CADM2: variants seen among roughly 807,000 people sequenced by gnomAD.
The protein encoded by CADM2 is cell adhesion molecule 2.
A neutral mutation model predicts 49.8 loss-of-function variants in CADM2; 12 were observed. The ratio of observed to expected loss-of-function variants is 0.24; its 90% CI spans 0.15 to 0.39. The LOEUF is 0.39. Ranked by LOEUF, CADM2 falls within the 10% of genes least tolerant of loss-of-function variation. CADM2 has a pLI of 1.00. For synonymous variants in CADM2, 214 were observed against 175.4 expected (o/e 1.22, Z -1.74); for missense variants, 378 against 492.3 (o/e 0.77, Z 2.20).
intron 2 of CADM2, among the ~76,000 whole-genome samples, chr3:85,732,091 T>C (rs1305868703): frequency 5.6e-5 from 2 of 35,988 alleles, no homozygotes; most frequent in Non-Finnish European, 9.9e-5. Context: ...CTACTAAGAA[T>C]ACCAAAAAAA....
At chr3:85,141,847 A>T (rs1346599147) in intron 1 of CADM2, among the ~76,000 whole-genome samples, 1 of 152,170 alleles carries the variant, frequency 6.6e-6, no homozygotes, top group Non-Finnish European at 1.5e-5. Flanking sequence ...AGATGATAAG[A>T]TCACTTGCTG....
chr3:85,503,534 T>G (rs918399675), intron 1 of CADM2, among the ~76,000 whole-genome samples: 4 of 152,238 alleles, frequency 2.6e-5, no homozygotes, highest in African/African-American at 9.6e-5. Flanking sequence ...ATTCTTTTAT[T>G]ATTTCTTTGA....
chr3:85,674,310 A>G (rs2065829955), intron 1 of CADM2, among the ~76,000 whole-genome samples: 2 of 152,138 alleles, frequency 1.3e-5, no homozygotes, highest in South Asian at 2.1e-4. Flanking sequence ...TGATGGTCCT[A>G]TATTGTGTTT....
intron 1 of CADM2, among the ~76,000 whole-genome samples, chr3:85,651,748 A>T (rs1577018845): frequency 6.6e-6 from 1 of 151,712 alleles, no homozygotes; most frequent in Admixed American, 6.6e-5. Context: ...CTCTGACTAC[A>T]CCCTTGGTTT....
intron 1 of CADM2, among the ~76,000 whole-genome samples, chr3:85,128,726 G>A (rs551315409): frequency 3.9e-5 from 6 of 152,270 alleles, no homozygotes; most frequent in Admixed American, 2.0e-4. Context: ...CTACCTATGG[G>A]ACAGGTTAAA....
At chr3:85,130,893 A>C (rs2039205010) in intron 1 of CADM2, among the ~76,000 whole-genome samples, 1 of 152,224 alleles carries the variant, frequency 6.6e-6, no homozygotes, top group Non-Finnish European at 1.5e-5. Context: ...ATATGAAAAC[A>C]AATTTTATGC....
chr3:85,885,339 C>T (rs920057561), intron 4 of CADM2, among the ~76,000 whole-genome samples: 1 of 146,390 alleles, frequency 6.8e-6, no homozygotes, highest in Non-Finnish European at 1.5e-5. Flanking sequence ...GAGTTTGAGA[C>T]CAGCCCGGCC....
At chr3:85,155,129 A>G (rs1216096655) in intron 1 of CADM2, among the ~76,000 whole-genome samples, 1 of 149,022 alleles carries the variant, frequency 6.7e-6, no homozygotes, top group African/African-American at 2.6e-5. Flanking sequence ...GCTCCAATTA[A>G]AAGACACAGA....
chr3:85,621,892 G>A (rs2063987858), intron 1 of CADM2, among the ~76,000 whole-genome samples: 2 of 152,118 alleles, frequency 1.3e-5, no homozygotes, highest in African/African-American at 4.8e-5. Flanking sequence ...TGAAAAGTGA[G>A]TAAACACTAC....
intron 1 of CADM2, among the ~76,000 whole-genome samples, chr3:85,682,723 C>A (rs536142641): frequency 2.0e-5 from 3 of 152,122 alleles, no homozygotes; most frequent in Admixed American, 1.3e-4. Context: ...CCAAAGCTTT[C>A]TTTTCAAGAA....
chr3:85,366,298 A>G (rs954719357), intron 1 of CADM2, among the ~76,000 whole-genome samples: 2 of 152,216 alleles, frequency 1.3e-5, no homozygotes, highest in Non-Finnish European at 2.9e-5. Flanking sequence ...AAGTCTGACT[A>G]TGCAGAACAG....
At chr3:85,072,847 G>T (rs1009427131) in intron 1 of CADM2, among the ~76,000 whole-genome samples, 7 of 151,572 alleles carry the variant, frequency 4.6e-5, no homozygotes, top group African/African-American at 1.7e-4. Context: ...AAATGCAGAG[G>T]TTTTTTTTAT....
intron 1 of CADM2, among the ~76,000 whole-genome samples, chr3:85,424,382 G>T (rs1007482790): frequency 6.6e-6 from 1 of 151,534 alleles, no homozygotes; most frequent in African/African-American, 2.4e-5. Context: ...TAATTACAAA[G>T]AAATATAAAC....
At chr3:85,238,101 G>C (rs542550421) in intron 1 of CADM2, among the ~76,000 whole-genome samples, 1 of 151,708 alleles carries the variant, frequency 6.6e-6, no homozygotes, top group East Asian at 1.9e-4. Flanking sequence ...CATCTGGCTT[G>C]GTACATCATG....
At chr3:85,688,866 C>T (rs1272321227) in intron 1 of CADM2, among the ~76,000 whole-genome samples, 1 of 152,144 alleles carries the variant, frequency 6.6e-6, no homozygotes, top group Non-Finnish European at 1.5e-5. Context: ...CTGCACCTGG[C>T]CAAATTTCAC....
chr3:85,536,496 A>G (rs66781790), intron 1 of CADM2, among the ~76,000 whole-genome samples: 77,541 of 151,472 alleles, frequency 0.51, 22,912 homozygotes, highest in East Asian at 0.85. Context: ...ATAAAAAATG[A>G]CATTTATTAT....
chr3:85,801,799 T>G (rs1577342933), intron 2 of CADM2, among the ~76,000 whole-genome samples: 1 of 152,210 alleles, frequency 6.6e-6, no homozygotes, highest in Non-Finnish European at 1.5e-5. Context: ...TAAATCTTTA[T>G]GTATGCCTAG....
chr3:85,337,026 TATAAATATATATATATAA>T (rs1333929588), intron 1 of CADM2, among the ~76,000 whole-genome samples: 9 of 136,566 alleles, frequency 6.6e-5, no homozygotes, highest in African/African-American at 2.5e-4. Flanking sequence ...TATAAATAAA[TATAAATATATATATATAA>T]ATATATATAT....
intron 1 of CADM2, among the ~76,000 whole-genome samples, chr3:85,007,009 A>G (rs2033765373): frequency 6.6e-6 from 1 of 152,124 alleles, no homozygotes; most frequent in African/African-American, 2.4e-5. Flanking sequence ...GCTTAATCAA[A>G]TTAATTCTTA....
Sources: gnomAD v4.1 joint callset for allele counts (sites outside exome capture counted in the v4.1 genomes callset) on GRCh38, gnomAD v4.1.1 for gene constraint, MANE v1.5 for transcripts, NCBI Gene and HGNC (gene_info 2026-07-23, HGNC 2026-07-21) for gene names.